Variants in NAALADL2 observed in about 807,000 individuals in gnomAD.
NAALADL2 encodes inactive N-acetylated-alpha-linked acidic dipeptidase-like protein 2.
Under a neutral mutation model 87.2 loss-of-function variants are expected in NAALADL2, and 76 were observed. The observed-to-expected ratio is 0.87, with a 90% CI of 0.72 to 1.05. The LOEUF is 1.05. NAALADL2 is among the 50% of genes least tolerant of loss of function. NAALADL2 has a pLI of 0.00. For synonymous variants in NAALADL2, 354 were observed against 331.0 expected (o/e 1.07, Z -0.75); for missense variants, 1,089 against 945.8 (o/e 1.15, Z -1.99).
intron 2 of NAALADL2, among the ~76,000 whole-genome samples, chr3:175,118,993 A>G (rs763182221): frequency 6.6e-6 from 1 of 151,732 alleles, no homozygotes; most frequent in Non-Finnish European, 1.5e-5. Context: ...GAGGATTTTC[A>G]CAATTAAAAT....
intron 1 of NAALADL2, among the ~76,000 whole-genome samples, chr3:174,442,938 T>G (rs1266105746): frequency 1.3e-5 from 2 of 152,136 alleles, no homozygotes; most frequent in African/African-American, 4.8e-5. Flanking sequence ...AAATAGCAAG[T>G]GCAGAGGCCG....
chr3:175,801,350 C>T (rs1269737403), intron 13 of NAALADL2, among the ~76,000 whole-genome samples: 2 of 151,976 alleles, frequency 1.3e-5, no homozygotes, highest in Non-Finnish European at 2.9e-5. Flanking sequence ...CTTGGTTTAC[C>T]AGGCCCTGTA....
At position 175,066,497 on chromosome 3, in the gene NAALADL2, C is replaced by G. The variant is rs192606686; in HGVS notation, c.44-30293C>G. ...CCACAAAGTAGATGCTCAGTACCTGCTTTTTCAGCAGCAGAAACAACCAAA... is the reference window on the plus strand; with the variant it reads ...CCACAAAGTAGATGCTCAGTACCTGGTTTTTCAGCAGCAGAAACAACCAAA... On this transcript the variant is annotated intron_variant, in intron 1 of 13. Coordinates refer to ENST00000454872, the MANE Select transcript of NAALADL2 (RefSeq NM_207015.3). Among the ~76,000 whole-genome samples, 547 of 152,166 alleles carry G rather than the reference C, an allele frequency of 3.6e-3. 1 individual carries two copies. Among genetic ancestry groups the G allele is most frequent in the African/African-American group, 0.013 (522 of 41,516 alleles).
At chr3:174,941,916 T>C (rs903543233) in intron 1 of NAALADL2, among the ~76,000 whole-genome samples, 4 of 152,140 alleles carry the variant, frequency 2.6e-5, no homozygotes, top group African/African-American at 9.7e-5. Context: ...GATGACTCTC[T>C]TGAAGACAGC....
chr3:175,579,553 T>G (rs2149569517), intron 10 of NAALADL2, among the ~76,000 whole-genome samples: 1 of 152,328 alleles, frequency 6.6e-6, no homozygotes, highest in Non-Finnish European at 1.5e-5. Flanking sequence ...CATTGCGATC[T>G]ATGGATTTGC....
rs1355121886 is a variant in NAALADL2 at position 174,639,362 on chromosome 3, C to A, written c.-115+88725C>A. ...AGTCAAAGAAAAATCAAACTAAGAC[C>A]CAGGGGTGTATGGGAGCTGTTTGGC... On this transcript the variant is annotated intron_variant, in intron 2 of 3. Coordinates refer to the NAALADL2 transcript ENST00000434257. 2.0e-5 allele frequency among the ~76,000 whole-genome samples: 3 copies of A among 151,990 alleles called. No homozygotes were observed. In the East Asian group the frequency reaches 5.8e-4, roughly 29 times the overall value.
At chr3:175,097,412 A>G in intron 2 of NAALADL2, 121 bp downstream of exon 2, 1 of 874,684 alleles carries the variant, frequency 1.1e-6, no homozygotes, top group Non-Finnish European at 1.8e-6. Context: ...GAAACATATC[A>G]CCACAACAAG....
intron 1 of NAALADL2, among the ~76,000 whole-genome samples, chr3:175,023,917 A>G (rs1751888144): frequency 6.6e-6 from 1 of 152,068 alleles, no homozygotes; most frequent in South Asian, 2.1e-4. Flanking sequence ...TGTTAGATAT[A>G]TAATGGTTAC....
chr3:174,732,007 G>T (rs963944795), intron 2 of NAALADL2, among the ~76,000 whole-genome samples: 10 of 152,138 alleles, frequency 6.6e-5, no homozygotes, highest in Non-Finnish European at 1.5e-4. Flanking sequence ...GGGTGTGGTT[G>T]TGTCCCAATG....
At chr3:174,691,138 G>A (rs145717733) in intron 2 of NAALADL2, among the ~76,000 whole-genome samples, 4 of 152,268 alleles carry the variant, frequency 2.6e-5, no homozygotes, top group Admixed American at 6.5e-5. Context: ...TAGGCCAGGT[G>A]CAGTGGCTTA....
At chr3:175,283,524 C>T (rs1201390311) in intron 4 of NAALADL2, among the ~76,000 whole-genome samples, 1 of 152,026 alleles carries the variant, frequency 6.6e-6, no homozygotes, top group African/African-American at 2.4e-5. Flanking sequence ...ACATAAAGAG[C>T]CCTCCGTAGC....
chr3:175,244,462 T>A (rs1377367622), intron 3 of NAALADL2, among the ~76,000 whole-genome samples: 1 of 152,170 alleles, frequency 6.6e-6, no homozygotes, highest in Non-Finnish European at 1.5e-5. Flanking sequence ...TTTTGGTAAA[T>A]GTTGAGCAAC....
At chr3:175,747,725 G>T (rs1746111393) in intron 12 of NAALADL2, among the ~76,000 whole-genome samples, 1 of 150,530 alleles carries the variant, frequency 6.6e-6, no homozygotes, top group African/African-American at 2.5e-5. Flanking sequence ...TCAACTTTCT[G>T]CCTCAGGAGA....
chr3:174,773,393 G>A (rs547371422), intron 3 of NAALADL2, among the ~76,000 whole-genome samples: 1 of 152,252 alleles, frequency 6.6e-6, no homozygotes, highest in African/African-American at 2.4e-5. Context: ...ATCTACCCAC[G>A]AATTCTGCAA....
intron 13 of NAALADL2, among the ~76,000 whole-genome samples, chr3:175,770,318 G>T (rs1182867684): frequency 1.3e-5 from 2 of 152,180 alleles, no homozygotes; most frequent in Non-Finnish European, 2.9e-5. Flanking sequence ...TCTTTCCCAT[G>T]AGCAGTGGAT....
In NAALADL2 at chr3:175,095,908, C is replaced by T. The variant is rs114593803; in HGVS notation, c.44-882C>T. On this transcript the variant is annotated intron_variant, in intron 1 of 13. Coordinates refer to ENST00000454872, the MANE Select transcript of NAALADL2 (RefSeq NM_207015.3). ...TGGTTTACTGAATACAGACTTAAGA[C>T]CACTTGCAGTTAATTAGCCCAGTTT... 9.6e-3 allele frequency among the ~76,000 whole-genome samples: 1,464 copies of T among 152,206 alleles called. 18 individuals are homozygous for T. The highest frequency in any genetic ancestry group is 0.021 in the South Asian group (102 of 4,822).
At chr3:175,456,084 T>G (rs936751711) in intron 6 of NAALADL2, among the ~76,000 whole-genome samples, 17 of 152,068 alleles carry the variant, frequency 1.1e-4, no homozygotes, top group Admixed American at 7.2e-4. Context: ...TTCTAGATAC[T>G]TGGTATAATT....
chr3:174,584,255 A>C (rs1465968657), intron 2 of NAALADL2, among the ~76,000 whole-genome samples: 1 of 152,042 alleles, frequency 6.6e-6, no homozygotes, highest in Non-Finnish European at 1.5e-5. Context: ...TTATCCAGAA[A>C]ACGTATGTCG....
chr3:174,992,411 T>G (rs1328635666), intron 1 of NAALADL2, among the ~76,000 whole-genome samples: 5 of 152,112 alleles, frequency 3.3e-5, no homozygotes, highest in Non-Finnish European at 7.4e-5. Context: ...CAGTAAATAT[T>G]TTAAACTCAC....
Sources: allele counts gnomAD v4.1 joint callset (sites outside exome capture counted in the v4.1 genomes callset), GRCh38; gene constraint gnomAD v4.1.1; transcripts MANE v1.5; gene names NCBI Gene and HGNC (gene_info 2026-07-23, HGNC 2026-07-21).